Variants in SLC26A7 observed in about 807,000 individuals in gnomAD.
SLC26A7 encodes the protein anion exchange transporter.
Under a neutral mutation model 82.5 loss-of-function variants are expected in SLC26A7, and 59 were observed. The ratio of observed to expected loss-of-function variants is 0.72; its 90% CI spans 0.58 to 0.89. SLC26A7 has a LOEUF of 0.89. SLC26A7 is among the 40% of genes least tolerant of loss of function. The pLI is 0.00. For synonymous variants in SLC26A7, 271 were observed against 274.3 expected (o/e 0.99, Z 0.12); for missense variants, 820 against 793.0 (o/e 1.03, Z -0.41).
intron 15 of SLC26A7, among the ~76,000 whole-genome samples, chr8:91,374,451 T>C (rs930317716): frequency 6.6e-6 from 1 of 151,920 alleles, no homozygotes; most frequent in Non-Finnish European, 1.5e-5. Flanking sequence ...GTTTCAAAAA[T>C]ACTTTTGATT....
chr8:91,303,343 G>A (rs1331474022), intron 4 of SLC26A7, among the ~76,000 whole-genome samples: 1 of 152,120 alleles, frequency 6.6e-6, no homozygotes, highest in African/African-American at 2.4e-5. Context: ...TCCAAGAGGG[G>A]TCTGGGATTG....
Position 91,249,804 on chromosome 8 carries a change from T to C in SLC26A7, c.153T>C (p.Thr51=). The change falls in exon 2 of 19, where the codon ACT becomes ACC. Residue 51 remains threonine (T), a synonymous_variant. Coordinates refer to ENST00000276609, the MANE Select transcript of SLC26A7 (RefSeq NM_052832.4). ...TGAAAGAAAACTTGCTTCCAGACAC[T>C]GTGTCTGGGATAATGTTGGCAGTTC... is the stretch of plus-strand genomic sequence containing the variant. ...YNLKENLLPD[T]VSGIMLAVQQ... 6.2e-7 allele frequency: 1 copy of C among 1,609,680 alleles called. No homozygotes were observed. Among genetic ancestry groups the C allele is most frequent in the African/African-American group, 1.3e-5 (1 of 74,684 alleles).
intron 4 of SLC26A7, among the ~76,000 whole-genome samples, chr8:91,301,398 A>C (rs1392854683): frequency 2.0e-5 from 3 of 152,264 alleles, no homozygotes; most frequent in Non-Finnish European, 4.4e-5. Context: ...TTCTTTTACA[A>C]AAATTGGTCA....
At chr8:91,308,886 AAC>A (rs1179486319) in intron 4 of SLC26A7, among the ~76,000 whole-genome samples, 1 of 151,980 alleles carries the variant, frequency 6.6e-6, no homozygotes, top group East Asian at 1.9e-4. Flanking sequence ...TTACTTGTTT[AAC>A]ACTTCCTTCC....
intron 8 of SLC26A7, among the ~76,000 whole-genome samples, chr8:91,341,844 T>C (rs1187440929): frequency 1.3e-5 from 2 of 152,244 alleles, no homozygotes; most frequent in Non-Finnish European, 2.9e-5. Flanking sequence ...CTTCTGGCTA[T>C]GGATATTTGC....
intron 2 of SLC26A7, among the ~76,000 whole-genome samples, chr8:91,285,639 T>C (rs1236562109): frequency 6.6e-6 from 1 of 152,236 alleles, no homozygotes; most frequent in Non-Finnish European, 1.5e-5. Context: ...GGCAGTAAAT[T>C]CTACTGTAAT....
Position 91,289,219 on chromosome 8 carries a change from T to C in SLC26A7, c.277T>C (p.Phe93Leu). 1 of 1,613,690 alleles carries C rather than the reference T, an allele frequency of 6.2e-7. No homozygotes were observed. Among genetic ancestry groups the C allele is most frequent in the Non-Finnish European group, 8.5e-7 (1 of 1,179,610 alleles). ...GTTTCCTGCCATAATTTATGCCATA[T>C]TTGGAATGGGACATCATGTTGCCAC... is the stretch of plus-strand genomic sequence containing the variant. ...SLFPAIIYAI[F>L]GMGHHVATGT... Residue 93 changes from phenylalanine to leucine, a missense_variant, in exon 3 of 19, where the codon TTT (phenylalanine) becomes CTT (leucine). Coordinates refer to ENST00000276609, the MANE Select transcript of SLC26A7 (RefSeq NM_052832.4).
intron 16 of SLC26A7, among the ~76,000 whole-genome samples, chr8:91,390,228 T>C (rs1280581899): frequency 6.6e-6 from 1 of 151,502 alleles, no homozygotes; most frequent in East Asian, 2.0e-4. Flanking sequence ...GCCATTCTCC[T>C]GCCTCAGCCT....
intron 2 of SLC26A7, among the ~76,000 whole-genome samples, chr8:91,225,186 C>A (rs1016543552): frequency 1.3e-5 from 2 of 152,200 alleles, no homozygotes; most frequent in Non-Finnish European, 2.9e-5. Context: ...CAGGCAGTGG[C>A]AGCAGGTGCT....
chr8:91,222,470 C>T (rs1036851445), intron 2 of SLC26A7, among the ~76,000 whole-genome samples: 2 of 152,120 alleles, frequency 1.3e-5, no homozygotes, highest in Non-Finnish European at 2.9e-5. Context: ...ATGCTTCCAG[C>T]TCTTGCCCAT....
intron 15 of SLC26A7, among the ~76,000 whole-genome samples, chr8:91,387,901 T>C (rs1174502791): frequency 6.6e-6 from 1 of 152,206 alleles, no homozygotes. Flanking sequence ...CACTCCTTCT[T>C]GAACATAGTA....
chr8:91,362,517 C>G, intron 12 of SLC26A7, 58 bp downstream of exon 12: 1 of 1,300,056 alleles, frequency 7.7e-7, no homozygotes, highest in Admixed American at 1.7e-5. Context: ...TACATGGTTA[C>G]TTGCCATATG....
intron 9 of SLC26A7, 35 bp from the exon 10 acceptor site, chr8:91,351,775 T>G (rs992802006): frequency 6.8e-6 from 10 of 1,474,924 alleles, no homozygotes; most frequent in Non-Finnish European, 9.4e-6. Context: ...GTTCAAGGCT[T>G]TCTTTTTCCT....
At chr8:91,277,884 C>T (rs1187979062) in intron 2 of SLC26A7, among the ~76,000 whole-genome samples, 4 of 151,560 alleles carry the variant, frequency 2.6e-5, no homozygotes, top group Non-Finnish European at 4.4e-5. Flanking sequence ...GTGACTGAGT[C>T]AGGATTTATG....
chr8:91,344,631 G>A (rs1006030963), intron 9 of SLC26A7, among the ~76,000 whole-genome samples: 8 of 152,172 alleles, frequency 5.3e-5, no homozygotes, highest in Non-Finnish European at 1.2e-4. Context: ...TAGAGTACAT[G>A]AAAGGAAGCA....
chr8:91,246,744 C>A (rs1810550507), upstream of SLC26A7, among the ~76,000 whole-genome samples: 1 of 151,558 alleles, frequency 6.6e-6, no homozygotes, highest in Admixed American at 6.6e-5. Context: ...GCCAGGACAT[C>A]ATGAGTATAA....
At chr8:91,237,365 T>C (rs1051847576) in intron 2 of SLC26A7, among the ~76,000 whole-genome samples, 4 of 152,262 alleles carry the variant, frequency 2.6e-5, no homozygotes, top group African/African-American at 9.6e-5. Context: ...AGATTTCCTG[T>C]ATTTTTATTC....
intron 14 of SLC26A7, among the ~76,000 whole-genome samples, chr8:91,369,324 G>A (rs992965788): frequency 4.0e-5 from 6 of 151,062 alleles, no homozygotes; most frequent in African/African-American, 1.5e-4. Context: ...TCTCCTTAGA[G>A]GCATCAATTA....
intron 11 of SLC26A7, among the ~76,000 whole-genome samples, chr8:91,356,043 A>T (rs1287966570): frequency 1.3e-5 from 2 of 151,480 alleles, no homozygotes; most frequent in African/African-American, 4.9e-5. Flanking sequence ...CCATGTCCCT[A>T]CAAAGGACAT....
Sources: allele counts gnomAD v4.1 joint callset (sites outside exome capture counted in the v4.1 genomes callset), GRCh38; gene constraint gnomAD v4.1.1; transcripts MANE v1.5; gene names NCBI Gene and HGNC (gene_info 2026-07-23, HGNC 2026-07-21).